Variants in CTNNA2 observed in about 807,000 individuals in gnomAD.
CTNNA2 encodes catenin alpha-2.
Under a neutral mutation model 101.0 loss-of-function variants are expected in CTNNA2, and 42 were observed. The observed-to-expected ratio is 0.42, with a 90% CI of 0.32 to 0.54. The LOEUF (loss-of-function observed/expected upper bound fraction) is 0.54, where lower values mean the gene tolerates loss of function less well. Ranked by LOEUF, CTNNA2 falls within the 20% of genes least tolerant of loss-of-function variation. CTNNA2 has a pLI of 0.14. For missense variants in CTNNA2, 871 were observed against 1,223.1 expected (o/e 0.71, Z 4.29); for synonymous variants, 450 against 456.4 (o/e 0.99, Z 0.18).
At chr2:79,554,465 A>G (rs954061548) in intron 1 of CTNNA2, among the ~76,000 whole-genome samples, 1 of 152,168 alleles carries the variant, frequency 6.6e-6, no homozygotes, top group African/African-American at 2.4e-5. Context: ...ACTGTACTAT[A>G]GAGAGCACTT....
chr2:79,928,548 G>T (rs1687183601), intron 7 of CTNNA2, among the ~76,000 whole-genome samples: 1 of 152,148 alleles, frequency 6.6e-6, no homozygotes, highest in African/African-American at 2.4e-5. Flanking sequence ...GTATTTTGTT[G>T]ATTAAGATGA....
intron 7 of CTNNA2, among the ~76,000 whole-genome samples, chr2:80,147,648 A>G (rs1703435973): frequency 6.6e-6 from 1 of 152,312 alleles, no homozygotes; most frequent in East Asian, 1.9e-4. Flanking sequence ...CTTTTCTTAT[A>G]TGAAATATTT....
intron 3 of CTNNA2, among the ~76,000 whole-genome samples, chr2:79,343,723 GATTATTATTATT>G (rs71385268): frequency 2.9e-4 from 43 of 147,866 alleles, no homozygotes; most frequent in African/African-American, 6.2e-4. Flanking sequence ...AGACACGGAC[GATTATTATTATT>G]ATTATTATTA....
chr2:80,605,277 G>A (rs771034096), intron 16 of CTNNA2: 9 of 151,960 alleles, frequency 5.9e-5, no homozygotes, highest in Non-Finnish European at 1.3e-4. Context: ...GCTTTAGGTA[G>A]TAGACTTTTC....
chr2:79,598,054 T>C (rs1022151208), intron 1 of CTNNA2, among the ~76,000 whole-genome samples: 2 of 152,216 alleles, frequency 1.3e-5, no homozygotes, highest in African/African-American at 4.8e-5. Context: ...TCAGAACTTA[T>C]AGTTAGAATC....
chr2:80,332,912 T>C (rs1671462096), intron 7 of CTNNA2, among the ~76,000 whole-genome samples: 1 of 152,194 alleles, frequency 6.6e-6, no homozygotes, highest in Non-Finnish European at 1.5e-5. Context: ...TGAGTTTATG[T>C]TTTTAAATGG....
At chr2:79,642,407 A>C (rs1680508382) in intron 1 of CTNNA2, among the ~76,000 whole-genome samples, 1 of 152,236 alleles carries the variant, frequency 6.6e-6, no homozygotes, top group Non-Finnish European at 1.5e-5. Flanking sequence ...AAGGGGTGAC[A>C]GATCCTGTAA....
intron 7 of CTNNA2, among the ~76,000 whole-genome samples, chr2:80,056,904 A>G (rs1210461849): frequency 6.6e-6 from 1 of 152,194 alleles, no homozygotes; most frequent in Non-Finnish European, 1.5e-5. Flanking sequence ...TCCACAGTAT[A>G]TTAGGAATCA....
At chr2:79,438,930 C>G (rs923036411) in intron 4 of CTNNA2, among the ~76,000 whole-genome samples, 1 of 152,110 alleles carries the variant, frequency 6.6e-6, no homozygotes, top group African/African-American at 2.4e-5. Flanking sequence ...TAACTATTGG[C>G]AAGGATGTGA....
chr2:80,424,095 A>C (rs1295399639), intron 9 of CTNNA2, among the ~76,000 whole-genome samples: 1 of 152,054 alleles, frequency 6.6e-6, no homozygotes, highest in Non-Finnish European at 1.5e-5. Flanking sequence ...AGCTTGGATT[A>C]CAGGCACCCG....
At chr2:80,053,813 C>T (rs1370161579) in intron 7 of CTNNA2, among the ~76,000 whole-genome samples, 1 of 152,196 alleles carries the variant, frequency 6.6e-6, no homozygotes, top group Non-Finnish European at 1.5e-5. Context: ...AATTTCATTA[C>T]ATTTTCCAGT....
intron 3 of CTNNA2, among the ~76,000 whole-genome samples, chr2:79,789,064 T>C (rs1402967288): frequency 6.6e-6 from 1 of 152,182 alleles, no homozygotes; most frequent in Non-Finnish European, 1.5e-5. Context: ...CTGCTTAGCC[T>C]TTTAAATGTG....
chr2:79,693,820 T>G lies in CTNNA2; in HGVS notation c.102+42162T>G, dbSNP rs1684479420. Among the ~76,000 whole-genome samples the G allele has an allele frequency of 2.0e-5, 3 of 152,080 alleles. No homozygotes were observed. The South Asian group carries it at 6.2e-4, about 32-fold the overall frequency. Reference sequence around the variant, plus strand: ...GGAAATCAGCAGCAGGGAATAAAGTTGGCAAAGACAGAATTGGATTCAGGA... The same window carrying G: ...GGAAATCAGCAGCAGGGAATAAAGTGGGCAAAGACAGAATTGGATTCAGGA... On this transcript the variant is annotated intron_variant, in intron 2 of 18. Transcript: ENST00000402739.
At chr2:79,331,168 G>A (rs76148747) in intron 3 of CTNNA2, among the ~76,000 whole-genome samples, 15,822 of 152,038 alleles carry the variant, frequency 0.1, 969 homozygotes, top group East Asian at 0.22. Context: ...TCTTTTGGTG[G>A]ATGTTTCATC....
intron 4 of CTNNA2, among the ~76,000 whole-genome samples, chr2:79,467,601 GA>G (rs1670953079): frequency 6.6e-6 from 1 of 152,256 alleles, no homozygotes; most frequent in African/African-American, 2.4e-5. Flanking sequence ...TGAAATGAAG[GA>G]AAAAATGTTA....
intron 2 of CTNNA2, among the ~76,000 whole-genome samples, chr2:79,250,971 G>A (rs189857909): frequency 2.6e-5 from 4 of 152,100 alleles, no homozygotes; most frequent in Non-Finnish European, 2.9e-5. Flanking sequence ...AAATGCAAAC[G>A]AGTTTATTTG....
intron 3 of CTNNA2, among the ~76,000 whole-genome samples, chr2:79,320,928 C>G (rs1383469777): frequency 6.6e-6 from 1 of 152,158 alleles, no homozygotes; most frequent in Non-Finnish European, 1.5e-5. Context: ...TCTATTAAAA[C>G]ACACCAAAGA....
At chr2:80,575,326 A>G (rs969672732) in intron 13 of CTNNA2, 2 of 152,166 alleles carry the variant, frequency 1.3e-5, no homozygotes. Context: ...AATTTTAAAA[A>G]TTTATTTAAC....
At chr2:80,291,816 G>A (rs1210363006) in intron 7 of CTNNA2, among the ~76,000 whole-genome samples, 1 of 152,204 alleles carries the variant, frequency 6.6e-6, no homozygotes, top group African/African-American at 2.4e-5. Context: ...ACTGGAAGAT[G>A]TGTGTGCACA....
Sources: allele counts gnomAD v4.1 joint callset (sites outside exome capture counted in the v4.1 genomes callset), GRCh38; gene constraint gnomAD v4.1.1; transcripts MANE v1.5; gene names NCBI Gene and HGNC (gene_info 2026-07-23, HGNC 2026-07-21).